The following TCEA3 variants were observed in gnomAD, a reference collection of about 807,000 sequenced individuals.
The protein encoded by TCEA3 is transcription elongation factor A3.
Under a neutral mutation model 44.0 loss-of-function variants are expected in TCEA3, and 36 were observed. The observed-to-expected ratio is 0.82, with a 90% CI of 0.63 to 1.08. The LOEUF (loss-of-function observed/expected upper bound fraction) is 1.08. Ranked by LOEUF, TCEA3 falls within the 50% of genes least tolerant of loss-of-function variation. The pLI is 0.00. For synonymous variants in TCEA3, 162 were observed against 159.7 expected, an observed-to-expected ratio of 1.01 and a Z score of -0.11; for missense variants, 392 against 441.2, an observed-to-expected ratio of 0.89 and a Z score of 1.00.
chr1:23,387,470 G>T (rs1638882474), intron 8 of TCEA3, 51 bp from the exon 9 acceptor site: 2 of 1,520,918 alleles, frequency 1.3e-6, no homozygotes, highest in African/African-American at 2.8e-5. Flanking sequence ...CAGGGGCCCT[G>T]CCCTACACCC....
intron 2 of TCEA3, 189 bp from the exon 3 acceptor site, chr1:23,418,198 C>T (rs55972836): frequency 0.11 from 66,454 of 593,468 alleles, 4,201 homozygotes; most frequent in Non-Finnish European, 0.13. Flanking sequence ...TGCACGAGGC[C>T]GAGGGCCCAG....
chr1:23,398,896 A>G (rs1396045793), intron 5 of TCEA3, among the ~76,000 whole-genome samples: 1 of 151,628 alleles, frequency 6.6e-6, no homozygotes, highest in Non-Finnish European at 1.5e-5. Context: ...GCCTCCAAGG[A>G]GCTGGGACCA....
intron 5 of TCEA3, among the ~76,000 whole-genome samples, chr1:23,399,144 G>GTGTGTA (rs751608613): frequency 3.3e-5 from 2 of 61,166 alleles, no homozygotes; most frequent in African/African-American, 1.1e-4. Context: ...ATGTATATAT[G>GTGTGTA]TATATATATA....
intron 8 of TCEA3, among the ~76,000 whole-genome samples, chr1:23,393,365 A>G (rs1008271257): frequency 2.6e-5 from 4 of 151,898 alleles, no homozygotes; most frequent in African/African-American, 4.8e-5. Flanking sequence ...CATGCTCCAT[A>G]CATACACACA....
chr1:23,399,833 G>A lies in TCEA3; in HGVS notation c.444-1878C>T, dbSNP rs778425394. On this transcript the variant is annotated intron_variant, in intron 5 of 10. Transcript: ENST00000450454. ...TGGGATTACAGGCATGCACCACCAC[G>A]CCCAGCTAATTTTTGTATTTTTAGT... Among the ~76,000 whole-genome samples, 10 of 152,034 alleles carry A rather than the reference G, an allele frequency of 6.6e-5. No individual in the cohort carries two copies. In the East Asian group the frequency reaches 9.7e-4, roughly 15 times the overall value.
At chr1:23,404,011 C>A (rs61777156) in intron 5 of TCEA3, 8,551 of 660,442 alleles carry the variant, frequency 0.013, 84 homozygotes, top group Middle Eastern at 0.027. Flanking sequence ...TTATCAACAG[C>A]TTCCTTCTGC....
At chr1:23,399,160 A>ATATG (rs1553167315) in intron 5 of TCEA3, among the ~76,000 whole-genome samples, 4 of 109,258 alleles carry the variant, frequency 3.7e-5, no homozygotes, top group African/African-American at 9.1e-5. Context: ...ATATATATAT[A>ATATG]TATATATATA....
At chr1:23,397,503 G>T in intron 7 of TCEA3, 42 bp downstream of exon 7, 1 of 1,589,320 alleles carries the variant, frequency 6.3e-7, no homozygotes, top group South Asian at 1.1e-5. Context: ...GGTGCTGCTA[G>T]ACGGTGCAGA....
intron 2 of TCEA3, 128 bp from the exon 3 acceptor site, chr1:23,418,137 C>A: frequency 2.2e-6 from 2 of 889,118 alleles, no homozygotes; most frequent in Non-Finnish European, 1.8e-6. Context: ...AGTCCTAGCC[C>A]TGACTCCTGG....
At chr1:23,423,626 G>A (rs1432944149) in intron 1 of TCEA3, among the ~76,000 whole-genome samples, 1 of 152,210 alleles carries the variant, frequency 6.6e-6, no homozygotes, top group Admixed American at 6.5e-5. Context: ...GGGAGGAAGA[G>A]GACCCTGGAA....
At chr1:23,397,979 A>C in intron 5 of TCEA3, 24 bp from the exon 6 acceptor site, 1 of 1,611,940 alleles carries the variant, frequency 6.2e-7, no homozygotes, top group South Asian at 1.1e-5. Context: ...TAAGTAACAG[A>C]CATTTGACAT....
intron 8 of TCEA3, among the ~76,000 whole-genome samples, chr1:23,392,683 TCA>T (rs1316947632): frequency 7.2e-4 from 47 of 65,036 alleles, no homozygotes; most frequent in African/African-American, 2.3e-3. Context: ...ACTCCACACA[TCA>T]CACACACACA....
Position 23,417,343 on chromosome 1 carries a change from C to T in TCEA3, c.286G>A (p.Ala96Thr). The change falls in exon 4 of 11, where the codon GCA (alanine) becomes ACA (threonine). Residue 96 changes from alanine to threonine, a missense_variant. Ala to Thr is a moderately conservative substitution (Grantham distance 58). Coordinates refer to ENST00000450454, the MANE Select transcript of TCEA3 (RefSeq NM_003196.3). ...TCAAGCCCTTTTTCCTTCTTCTTTG[C>T]CTTTTCTCTTTCCTCTCCTTTTTCT... ...KGEKGEEREK[A>T]KKKEKGLECS... The T allele has an allele frequency of 6.2e-7, 1 of 1,613,990 alleles. No individual in the cohort carries two copies. The highest frequency in any genetic ancestry group is 8.5e-7 in the Non-Finnish European group (1 of 1,179,884).
chr1:23,406,049 T>C lies in TCEA3; in HGVS notation c.443+2615A>G, dbSNP rs1639534940. 2.6e-5 allele frequency among the ~76,000 whole-genome samples: 4 copies of C among 152,278 alleles called. No individual in the cohort carries two copies. In the South Asian group the frequency reaches 8.3e-4, roughly 32 times the overall value. On this transcript the variant is annotated intron_variant, in intron 5 of 10. Coordinates refer to ENST00000450454, the MANE Select transcript of TCEA3 (RefSeq NM_003196.3). The stretch of plus-strand genomic sequence containing the variant: ...CCTCCACACATTTCTAAATGACCCC[T>C]GCTGAGATCCACTGGTCTAGAACCA...
At position 23,397,754 on chromosome 1, in the gene TCEA3, C is replaced by T. The variant is rs116426377; in HGVS notation, c.607+38G>A. The stretch of plus-strand genomic sequence containing the variant: ...CCCTCAGTGAGATTGGGAAAAGGGA[C>T]TCCTTCCCTCCCTCATCCCTAGCCC... On this transcript the variant is annotated intron_variant, in intron 6 of 10. Transcript: ENST00000450454. The T allele has an allele frequency of 9.0e-4, 1,458 of 1,613,138 alleles. 16 individuals are homozygous for T. The African/African-American group carries it at 0.016, about 18-fold the overall frequency.
chr1:23,406,731 C>T (rs2148570064), intron 5 of TCEA3, among the ~76,000 whole-genome samples: 1 of 152,322 alleles, frequency 6.6e-6, no homozygotes, highest in Middle Eastern at 3.4e-3. Context: ...ATGGCAACCT[C>T]CGCCTCCCGG....
chr1:23,392,410 A>ACACACAC (rs1558030210), intron 8 of TCEA3, among the ~76,000 whole-genome samples: 986 of 4,896 alleles, frequency 0.2, 13 homozygotes, highest in East Asian at 0.27. Flanking sequence ...ACACATCATC[A>ACACACAC]TGCACAATAC....
At chr1:23,404,200 C>T (rs1237137169) in intron 5 of TCEA3, 17 of 702,070 alleles carry the variant, frequency 2.4e-5, no homozygotes, top group Admixed American at 2.4e-4. Context: ...GGTAAAAGGA[C>T]AACTGAGAAC....
chr1:23,411,750 A>G (rs1459398099), intron 4 of TCEA3, among the ~76,000 whole-genome samples: 2 of 152,288 alleles, frequency 1.3e-5, no homozygotes, highest in African/African-American at 4.8e-5. Flanking sequence ...AGGTTGAAGG[A>G]AAAAAAGAGA....
Sources: allele counts gnomAD v4.1 joint callset (sites outside exome capture counted in the v4.1 genomes callset), GRCh38; gene constraint gnomAD v4.1.1; transcripts MANE v1.5; gene names NCBI Gene and HGNC (gene_info 2026-07-23, HGNC 2026-07-21).